The following RUVBL1 variants were observed in gnomAD, a reference collection of about 807,000 sequenced individuals.
RUVBL1 encodes the protein RuvB like AAA ATPase 1, also known as ruvB-like 1.
RUVBL1 carries 4 observed loss-of-function variants against 52.4 expected under a neutral mutation model. That is an observed-to-expected ratio of 0.08 (90% CI 0.04 to 0.17). The LOEUF (loss-of-function observed/expected upper bound fraction) is 0.17. Among genes scored for constraint, RUVBL1 ranks in the 10% least tolerant of loss-of-function variants. RUVBL1 has a pLI of 1.00. For synonymous variants in RUVBL1, 217 were observed against 214.4 expected (o/e 1.01, Z -0.10); for missense variants, 298 against 572.8 (o/e 0.52, Z 4.90).
In RUVBL1 at chr3:128,086,324, G is replaced by A. The variant is rs536493255; in HGVS notation, c.1119+1382C>T. ...TGTCCTCATCTTTTAAAATGGCAAT[G>A]ACAGTAGTTCTCCCTGCCTCATGGG... On this transcript the variant is annotated intron_variant, in intron 9 of 10. Transcript: ENST00000322623. Among the ~76,000 whole-genome samples, 4 of 152,360 alleles carry A rather than the reference G, an allele frequency of 2.6e-5. No individual in the cohort carries two copies. In the South Asian group the frequency reaches 6.2e-4, roughly 24 times the overall value.
chr3:128,115,120 C>A (rs1286109787), intron 2 of RUVBL1, among the ~76,000 whole-genome samples: 1 of 152,152 alleles, frequency 6.6e-6, no homozygotes, highest in African/African-American at 2.4e-5. Flanking sequence ...GCATAGACCT[C>A]ATCGAATCTC....
intron 1 of RUVBL1, among the ~76,000 whole-genome samples, chr3:128,144,627 G>A (rs139194250): frequency 1.5e-3 from 233 of 152,306 alleles, no homozygotes; most frequent in African/African-American, 5.1e-3. Context: ...CAGGCCCAGG[G>A]CTATCAAAGA....
At chr3:128,076,382 G>C (rs936550696), downstream of RUVBL1, among the ~76,000 whole-genome samples, 2 of 152,318 alleles carry the variant, frequency 1.3e-5, no homozygotes, top group South Asian at 2.1e-4. This position sits in a 1 kb window ranked among gnomAD's most constrained non-coding sequence, Gnocchi z 6.8. Flanking sequence ...AGGAGCACAG[G>C]GGGGCGGCCG....
chr3:128,131,910 A>G (rs1943881860), intron 1 of RUVBL1, among the ~76,000 whole-genome samples: 1 of 152,226 alleles, frequency 6.6e-6, no homozygotes, highest in African/African-American at 2.4e-5. Flanking sequence ...TATCCACACA[A>G]GAAGGCACCT....
rs183837912 is a variant in RUVBL1, at chr3:128,123,770, A to G, written c.-46T>C. 1 of 1,546,778 alleles carries G rather than the reference A, an allele frequency of 6.5e-7. No homozygotes were observed. The highest frequency in any genetic ancestry group is 2.3e-5 in the East Asian group (1 of 42,616). On this transcript the variant is annotated 5_prime_UTR_variant, in exon 1 of 11. An upstream open reading frame in the 5' UTR loses its in-frame stop. Coordinates refer to ENST00000322623, the MANE Select transcript of RUVBL1 (RefSeq NM_003707.3). ...AAACCAGCGTGGAAAACCAGCAGCTAGGACAGTGCGCCCGGCGCCTGAGTT... is the reference window on the plus strand; with the variant it reads ...AAACCAGCGTGGAAAACCAGCAGCTGGGACAGTGCGCCCGGCGCCTGAGTT...
At chr3:128,069,554 T>C in intron 9 of RUVBL1, 2 of 1,614,106 alleles carry the variant, frequency 1.2e-6, no homozygotes, top group Non-Finnish European at 1.7e-6. Flanking sequence ...TAGGCGCCAT[T>C]GGGTCTGGAA....
At chr3:128,087,664 G>T in intron 9 of RUVBL1, 42 bp downstream of exon 9, 1 of 1,505,814 alleles carries the variant, frequency 6.6e-7, no homozygotes, top group Non-Finnish European at 9.2e-7. Flanking sequence ...AACACTGGGA[G>T]CAAATGAGAG....
At chr3:128,120,585 C>G (rs1433418494) in intron 1 of RUVBL1, among the ~76,000 whole-genome samples, 1 of 152,166 alleles carries the variant, frequency 6.6e-6, no homozygotes, top group Non-Finnish European at 1.5e-5. Context: ...GTTTGCTACA[C>G]TGATTTAATA....
intron 3 of RUVBL1, among the ~76,000 whole-genome samples, chr3:128,112,225 G>A (rs1225976475): frequency 6.6e-6 from 1 of 152,158 alleles, no homozygotes; most frequent in African/African-American, 2.4e-5. Flanking sequence ...TCACAGCAAC[G>A]GCTCTAGAAA....
In RUVBL1 at chr3:128,100,680, A is replaced by C; in HGVS notation, c.668T>G (p.Leu223Trp). 1 of 1,613,938 alleles carries C rather than the reference A, an allele frequency of 6.2e-7. No homozygotes were observed. The highest frequency in any genetic ancestry group is 8.5e-7 in the Non-Finnish European group (1 of 1,179,988). The change falls in exon 6 of 11, where the codon TTG (leucine) becomes TGG (tryptophan). Residue 223 changes from leucine to tryptophan, a missense_variant. Transcript: ENST00000322623. ...CTTTTTGTGCACATCCCCTTTTGGCAAGGGGACATACTCTTCAGCTTCAAG... is the reference window on the plus strand; with the variant it reads ...CTTTTTGTGCACATCCCCTTTTGGCCAGGGGACATACTCTTCAGCTTCAAG... ...FDLEAEEYVP[L>W]PKGDVHKKKE...
At chr3:128,087,908 G>C in intron 8 of RUVBL1, 100 bp from the exon 9 acceptor site, 2 of 839,526 alleles carry the variant, frequency 2.4e-6, no homozygotes, top group Non-Finnish European at 4.0e-6. Flanking sequence ...CAGCTGGCTA[G>C]GCAGCCTAAG....
chr3:128,084,844 C>G (rs1263859313), intron 9 of RUVBL1: 1 of 152,310 alleles, frequency 6.6e-6, no homozygotes, highest in African/African-American at 2.4e-5. Flanking sequence ...AGCCACGAGT[C>G]CTGAGAGAAA....
At chr3:128,132,927 G>C (rs569856445) in intron 1 of RUVBL1, among the ~76,000 whole-genome samples, 7 of 152,208 alleles carry the variant, frequency 4.6e-5, no homozygotes, top group African/African-American at 1.7e-4. Flanking sequence ...GTAGAGCACC[G>C]AGTGGTCTTT....
chr3:128,097,541 G>A (rs745557401), intron 7 of RUVBL1, 43 bp from the exon 8 acceptor site: 1 of 1,563,110 alleles, frequency 6.4e-7, no homozygotes, highest in Non-Finnish European at 8.8e-7. Context: ...GCACAGGGCT[G>A]GGGGAGACTA....
At chr3:128,099,671 C>A (rs892000698) in intron 6 of RUVBL1, among the ~76,000 whole-genome samples, 1 of 152,196 alleles carries the variant, frequency 6.6e-6, no homozygotes, top group Non-Finnish European at 1.5e-5. Context: ...TTAGTGATCA[C>A]CTGTTGGTTA....
intron 3 of RUVBL1, among the ~76,000 whole-genome samples, chr3:128,107,953 T>C (rs1943286815): frequency 1.3e-5 from 2 of 152,140 alleles, no homozygotes; most frequent in Non-Finnish European, 2.9e-5. Context: ...CGTCTCTCAC[T>C]AGCCCCCACA....
intron 1 of RUVBL1, among the ~76,000 whole-genome samples, chr3:128,134,170 A>G (rs1468702444): frequency 6.6e-6 from 1 of 152,134 alleles, no homozygotes; most frequent in Non-Finnish European, 1.5e-5. Flanking sequence ...GAGCTTGAAG[A>G]CAAGCTATTT....
At chr3:128,069,417 C>A in intron 9 of RUVBL1, 1 of 1,534,410 alleles carries the variant, frequency 6.5e-7, no homozygotes, top group Non-Finnish European at 8.8e-7. Flanking sequence ...GCCTGTTGGC[C>A]GCCTGGCTCA....
intron 1 of RUVBL1, among the ~76,000 whole-genome samples, chr3:128,141,118 C>G (rs1944014857): frequency 6.6e-6 from 1 of 152,076 alleles, no homozygotes; most frequent in African/African-American, 2.4e-5. Flanking sequence ...GTAAAAAAAG[C>G]AGGTCAATTG....
Sources: gnomAD v4.1 joint callset for allele counts (sites outside exome capture counted in the v4.1 genomes callset) on GRCh38, gnomAD v4.1.1 for gene constraint, Gnocchi (gnomAD v3.1) non-coding constraint, MANE v1.5 for transcripts, NCBI Gene and HGNC (gene_info 2026-07-23, HGNC 2026-07-21) for gene names.